DIP2C: variants seen among roughly 807,000 people sequenced by gnomAD.
DIP2C encodes DIP2 acetate--CoA ligase C (putative).
DIP2C carries 33 observed loss-of-function variants against 192.4 expected under a neutral mutation model. The observed-to-expected ratio is 0.17, with a 90% CI of 0.13 to 0.23. The LOEUF (loss-of-function observed/expected upper bound fraction) is 0.23. Ranked by LOEUF, DIP2C falls within the 10% of genes least tolerant of loss-of-function variation. The pLI is 1.00. For missense variants in DIP2C, 1,537 were observed against 2,110.1 expected (o/e 0.73, Z 5.32); for synonymous variants, 979 against 864.1 (o/e 1.13, Z -2.33).
intron 14 of DIP2C, among the ~76,000 whole-genome samples, chr10:385,708 C>T (rs1380395194): frequency 6.6e-6 from 1 of 152,198 alleles, no homozygotes; most frequent in Non-Finnish European, 1.5e-5. Context: ...CAGCAACACA[C>T]CTGCCTCACA....
intron 1 of DIP2C, among the ~76,000 whole-genome samples, chr10:593,991 T>G (rs1851554263): frequency 6.6e-6 from 1 of 152,224 alleles, no homozygotes; most frequent in Admixed American, 6.5e-5. Context: ...ACGGCGGAAC[T>G]GGCCGTGGAA....
At chr10:528,794 G>A in intron 1 of DIP2C, among the ~76,000 whole-genome samples, 1 of 152,184 alleles carries the variant, frequency 6.6e-6, no homozygotes, top group East Asian at 1.9e-4. Flanking sequence ...GGTGAGGCCG[G>A]GGGCAGAAGC....
chr10:417,238 G>A (rs962727252), intron 6 of DIP2C, among the ~76,000 whole-genome samples: 5 of 152,040 alleles, frequency 3.3e-5, no homozygotes, highest in African/African-American at 1.2e-4. Context: ...AGCTCATGAC[G>A]TCTGGGGTGT....
chr10:377,776 G>A (rs565479678), intron 17 of DIP2C, among the ~76,000 whole-genome samples: 3 of 152,250 alleles, frequency 2.0e-5, no homozygotes, highest in South Asian at 4.2e-4. Context: ...AGCTAACTTC[G>A]AGCTTGGATA....
intron 1 of DIP2C, among the ~76,000 whole-genome samples, chr10:548,424 C>T (rs1848411514): frequency 1.4e-5 from 2 of 144,894 alleles, no homozygotes; most frequent in South Asian, 4.7e-4. Context: ...TCAGCAGGAG[C>T]CGCGGAGGCC....
At chr10:570,408 G>C (rs952238652) in intron 1 of DIP2C, among the ~76,000 whole-genome samples, 1 of 152,140 alleles carries the variant, frequency 6.6e-6, no homozygotes, top group Non-Finnish European at 1.5e-5. Context: ...AGGTCCTGAC[G>C]TCCACTCCTC....
intron 1 of DIP2C, among the ~76,000 whole-genome samples, chr10:674,771 A>AATAAATAT (rs1554772081): frequency 1.4e-4 from 4 of 27,702 alleles, no homozygotes; most frequent in East Asian, 1.5e-3. Flanking sequence ...CTCCATCTCA[A>AATAAATAT]ATATATATAT....
intron 1 of DIP2C, among the ~76,000 whole-genome samples, chr10:608,888 T>C (rs937590484): frequency 6.6e-6 from 1 of 151,472 alleles, no homozygotes; most frequent in South Asian, 2.1e-4. Flanking sequence ...TATAGAAATA[T>C]ACTTGCAAGT....
chr10:647,177 CG>C (rs1272414756), intron 1 of DIP2C, among the ~76,000 whole-genome samples: 1 of 146,128 alleles, frequency 6.8e-6, no homozygotes, highest in Non-Finnish European at 1.5e-5. Context: ...CCACATTGGA[CG>C]GTGGGAGAGA....
At chr10:327,417 G>A (rs1227305290) in intron 30 of DIP2C, among the ~76,000 whole-genome samples, 1 of 152,226 alleles carries the variant, frequency 6.6e-6, no homozygotes, top group African/African-American at 2.4e-5. Context: ...ACCACCTGGA[G>A]CCACAGCAAG....
At chr10:509,463 G>A (rs1845860492) in intron 1 of DIP2C, among the ~76,000 whole-genome samples, 1 of 152,078 alleles carries the variant, frequency 6.6e-6, no homozygotes, top group African/African-American at 2.4e-5. Flanking sequence ...GACACAGCAG[G>A]TCGGAACATC....
At chr10:542,513 C>T (rs866455447) in intron 1 of DIP2C, among the ~76,000 whole-genome samples, 11 of 152,220 alleles carry the variant, frequency 7.2e-5, no homozygotes, top group South Asian at 2.1e-4. Flanking sequence ...CCAGCCACTA[C>T]GGCCGACAGC....
chr10:584,052 G>A (rs1850828053), intron 1 of DIP2C, among the ~76,000 whole-genome samples: 1 of 152,118 alleles, frequency 6.6e-6, no homozygotes, highest in South Asian at 2.1e-4. Flanking sequence ...TATGGAGGAG[G>A]TGGCCCCCAA....
At chr10:480,217 G>A (rs1291857509) in intron 2 of DIP2C, among the ~76,000 whole-genome samples, 2 of 149,464 alleles carry the variant, frequency 1.3e-5, no homozygotes, top group African/African-American at 5.0e-5. Flanking sequence ...TCATCCACCA[G>A]CCTGAGCTCC....
At chr10:525,526 T>C (rs1846998698) in intron 1 of DIP2C, among the ~76,000 whole-genome samples, 1 of 152,218 alleles carries the variant, frequency 6.6e-6, no homozygotes. Flanking sequence ...TCTTTCTAAC[T>C]GTAAAAATTC....
Position 384,606 on chromosome 10 carries a change from G to A in DIP2C, c.1696C>T (p.Pro566Ser), listed in dbSNP as rs563679649. The A allele has an allele frequency of 2.5e-6, 4 of 1,613,838 alleles. No homozygotes were observed. Among genetic ancestry groups the A allele is most frequent in the Non-Finnish European group, 3.4e-6 (4 of 1,180,008 alleles). ...VMNMMHVISI[P>S]YSLMKVNPLS... ...GGGTTCACCTTCATCAGCGAGTACG[G>A]GATGCTGATCACATGCATCATGTTC... Residue 566 changes from proline (P) to serine (S), a missense_variant, in exon 15 of 37, where the codon CCG becomes TCG. Physicochemically the swap from Pro to Ser is moderately conservative, Grantham distance 74. Around this residue, in one of 4 missense-constraint regions of DIP2C, gnomAD observed 677 missense variants for 989.9 expected, o/e 0.68. Transcript: ENST00000280886.
intron 36 of DIP2C, 64 bp downstream of exon 36, chr10:281,134 CCA>C (rs1322022719): frequency 6.9e-6 from 11 of 1,595,568 alleles, no homozygotes; most frequent in Admixed American, 3.4e-5. Flanking sequence ...GCCGTGCTCT[CCA>C]CATTCTCAAT....
intron 5 of DIP2C, among the ~76,000 whole-genome samples, chr10:421,682 A>G (rs944904013): frequency 6.6e-6 from 1 of 152,232 alleles, no homozygotes; most frequent in African/African-American, 2.4e-5. Context: ...AAACTTTTAC[A>G]GAGTATTTCT....
chr10:650,094 G>C, intron 1 of DIP2C: 1 of 716,480 alleles, frequency 1.4e-6, no homozygotes, highest in Non-Finnish European at 2.6e-6. Context: ...AAAATAGCTT[G>C]ACACCTCCTG....
Sources: allele counts gnomAD v4.1 joint callset (sites outside exome capture counted in the v4.1 genomes callset), GRCh38; gene constraint gnomAD v4.1.1; regional missense constraint gnomAD v4.1.1; transcripts MANE v1.5; gene names NCBI Gene and HGNC (gene_info 2026-07-23, HGNC 2026-07-21).